SLC25A12: variants seen among roughly 807,000 people sequenced by gnomAD.
SLC25A12 encodes the protein electrogenic aspartate/glutamate antiporter SLC25A12, mitochondrial.
Under a neutral mutation model 83.3 loss-of-function variants are expected in SLC25A12, and 32 were observed. The ratio of observed to expected loss-of-function variants is 0.38; its 90% CI spans 0.29 to 0.52. The LOEUF is 0.52. Ranked by LOEUF, SLC25A12 falls within the 20% of genes least tolerant of loss-of-function variation. The pLI, the probability that SLC25A12 is intolerant of heterozygous loss-of-function variation, is 0.84. For missense variants in SLC25A12, 611 were observed against 835.6 expected (o/e 0.73, Z 3.31); for synonymous variants, 267 against 291.1 (o/e 0.92, Z 0.84).
intron 4 of SLC25A12, among the ~76,000 whole-genome samples, chr2:171,855,026 A>C (rs1305305749): frequency 1.3e-5 from 2 of 152,358 alleles, no homozygotes; most frequent in East Asian, 3.9e-4. Context: ...TTAAGATAGT[A>C]GTAATTTTAT....
intron 4 of SLC25A12, among the ~76,000 whole-genome samples, chr2:171,850,552 T>G (rs546896680): frequency 6.6e-6 from 1 of 151,106 alleles, no homozygotes; most frequent in South Asian, 2.1e-4. Flanking sequence ...TTCACCATAT[T>G]GGCCAGGCTG....
In SLC25A12 at chr2:171,850,056, G is replaced by A. The variant is rs186616536; in HGVS notation, c.326-5548C>T. ...TGGCCTCAAGTGATCCTCCTGCCTCGGCCTCCCAAAGTACTGGGATTATAG... is the reference window on the plus strand; with the variant it reads ...TGGCCTCAAGTGATCCTCCTGCCTCAGCCTCCCAAAGTACTGGGATTATAG... On this transcript the variant is annotated intron_variant, in intron 4 of 17. Coordinates refer to ENST00000422440, the MANE Select transcript of SLC25A12 (RefSeq NM_003705.5). 4.6e-3 allele frequency among the ~76,000 whole-genome samples: 696 copies of A among 151,506 alleles called. 5 individuals are homozygous for A. Among genetic ancestry groups the A allele is most frequent in the African/African-American group, 0.016 (644 of 41,290 alleles).
intron 2 of SLC25A12, among the ~76,000 whole-genome samples, chr2:171,880,347 A>C (rs1426890844): frequency 6.6e-6 from 1 of 152,096 alleles, no homozygotes; most frequent in African/African-American, 2.4e-5. Flanking sequence ...CAGTGGCGTG[A>C]CCTTGGCTCA....
rs1175261071 is a variant in SLC25A12 at position 171,788,171 on chromosome 2, A to G, written c.1586-224T>C. 1.7e-5 allele frequency: 9 copies of G among 526,586 alleles called. No homozygotes were observed. In the East Asian group the frequency reaches 3.1e-4, roughly 18 times the overall value. 32.6% of individuals were successfully genotyped at this position (526,586 alleles called of 1,614,324 possible). A position where few individuals can be genotyped will look rare whatever the true frequency, so the allele number is the denominator to read the frequency against. Reference sequence around the variant, plus strand: ...TATTTTTTCCTGAATTAAAAAAAAAATCACTCTACATTGCATGATCCCAAA... The same window carrying G: ...TATTTTTTCCTGAATTAAAAAAAAAGTCACTCTACATTGCATGATCCCAAA... On this transcript the variant is annotated intron_variant, in intron 15 of 17. Transcript: ENST00000422440.
intron 13 of SLC25A12, among the ~76,000 whole-genome samples, chr2:171,795,318 T>TAC: frequency 6.6e-6 from 1 of 152,326 alleles, no homozygotes; most frequent in Non-Finnish European, 1.5e-5. Flanking sequence ...TTGCCTGCCT[T>TAC]TCTCTCTCTT....
intron 9 of SLC25A12, among the ~76,000 whole-genome samples, chr2:171,821,002 G>A (rs1485776668): frequency 3.6e-5 from 5 of 139,834 alleles, no homozygotes; most frequent in Non-Finnish European, 6.1e-5. Flanking sequence ...TGCAAATAAC[G>A]CAGCTATAAA....
chr2:171,823,942 A>G (rs1434959876), intron 9 of SLC25A12, among the ~76,000 whole-genome samples: 1 of 30,052 alleles, frequency 3.3e-5, no homozygotes, highest in Non-Finnish European at 5.9e-5. Context: ...CCCTGTCTCC[A>G]CAAAAAAAAA....
At chr2:171,803,336 T>C (rs538901758) in intron 13 of SLC25A12, among the ~76,000 whole-genome samples, 7 of 152,084 alleles carry the variant, frequency 4.6e-5, no homozygotes, top group African/African-American at 1.7e-4. Context: ...AAAAAATAGA[T>C]TAAACGAACT....
At chr2:171,862,618 T>C (rs1020360951) in intron 3 of SLC25A12, among the ~76,000 whole-genome samples, 2 of 152,174 alleles carry the variant, frequency 1.3e-5, no homozygotes, top group Non-Finnish European at 2.9e-5. Flanking sequence ...AGAGCGTGTT[T>C]CAACCACTCC....
At chr2:171,868,404 C>A (rs1685388315) in intron 3 of SLC25A12, among the ~76,000 whole-genome samples, 1 of 150,070 alleles carries the variant, frequency 6.7e-6, no homozygotes, top group Admixed American at 6.7e-5. Context: ...ACCTCCACCT[C>A]CCGGATTCAA....
chr2:171,819,494 C>G (rs1684140313), intron 9 of SLC25A12, among the ~76,000 whole-genome samples: 1 of 136,684 alleles, frequency 7.3e-6, no homozygotes, highest in East Asian at 2.1e-4. Context: ...TAATTTTCCC[C>G]TGAATGCTAA....
chr2:171,812,669 A>G (rs1359321379), intron 11 of SLC25A12, among the ~76,000 whole-genome samples: 1 of 152,212 alleles, frequency 6.6e-6, no homozygotes, highest in East Asian at 1.9e-4. Flanking sequence ...TCTGATGCCA[A>G]CTGCACTGTG....
chr2:171,820,448 G>A (rs1020048026), intron 9 of SLC25A12, among the ~76,000 whole-genome samples: 18 of 152,102 alleles, frequency 1.2e-4, no homozygotes, highest in African/African-American at 4.1e-4. Context: ...AGAAAAAGAG[G>A]CCGGGCGCGG....
chr2:171,827,616 A>C lies in SLC25A12; in HGVS notation c.846-734T>G, dbSNP rs115109586. 2.7e-3 allele frequency among the ~76,000 whole-genome samples: 410 copies of C among 152,344 alleles called. 2 individuals are homozygous for C. The highest frequency in any genetic ancestry group is 6.8e-3 in the Middle Eastern group (2 of 294). On this transcript the variant is annotated intron_variant, in intron 8 of 17. Transcript: ENST00000422440. ...GTACTTAAACCCCGGAAGATTTGCA[A>C]CTAGGGCTCTTGAGCTGCTTGCTCA...
At chr2:171,818,885 G>A (rs1189450387) in intron 9 of SLC25A12, among the ~76,000 whole-genome samples, 4 of 151,506 alleles carry the variant, frequency 2.6e-5, no homozygotes, top group Non-Finnish European at 5.9e-5. Flanking sequence ...AGCATTGGAA[G>A]GGGGAAAAAA....
chr2:171,809,860 A>G (rs1403614488), intron 12 of SLC25A12, among the ~76,000 whole-genome samples, 174 bp from the exon 13 acceptor site: 2 of 152,182 alleles, frequency 1.3e-5, no homozygotes, highest in Non-Finnish European at 2.9e-5. Context: ...CAGTGTCAGC[A>G]GCATCAATTT....
intron 3 of SLC25A12, among the ~76,000 whole-genome samples, chr2:171,866,411 G>A (rs1387157639): frequency 3.4e-5 from 5 of 145,854 alleles, no homozygotes; most frequent in South Asian, 4.5e-4. Context: ...AGGGGCGGCC[G>A]GGCAGAGGCG....
At chr2:171,790,099 C>G (rs1419412297) in intron 15 of SLC25A12, among the ~76,000 whole-genome samples, 1 of 152,188 alleles carries the variant, frequency 6.6e-6, no homozygotes. Flanking sequence ...AAAGTCATCC[C>G]TGTCTTCACG....
At chr2:171,818,611 C>G (rs1684106217) in intron 9 of SLC25A12, among the ~76,000 whole-genome samples, 2 of 151,782 alleles carry the variant, frequency 1.3e-5, no homozygotes. Flanking sequence ...ATCTCTACAA[C>G]AAATACAAAA....
Sources: gnomAD v4.1 joint callset for allele counts (sites outside exome capture counted in the v4.1 genomes callset) on GRCh38, gnomAD v4.1.1 for gene constraint, MANE v1.5 for transcripts, NCBI Gene and HGNC (gene_info 2026-07-23, HGNC 2026-07-21) for gene names.